HEATR5B: variants seen among roughly 807,000 people sequenced by gnomAD.
The protein encoded by HEATR5B is HEAT repeat containing 5B.
A neutral mutation model predicts 224.1 loss-of-function variants in HEATR5B; 156 were observed. The observed-to-expected ratio is 0.70, with a 90% CI of 0.61 to 0.80. The LOEUF (loss-of-function observed/expected upper bound fraction) is 0.80, where lower values mean the gene tolerates loss of function less well. Among genes scored for constraint, HEATR5B ranks in the 30% least tolerant of loss-of-function variants. The pLI, the probability that HEATR5B is intolerant of heterozygous loss-of-function variation, is 0.00. For missense variants in HEATR5B, 2,323 were observed against 2,535.5 expected (o/e 0.92, Z 1.80); for synonymous variants, 1,027 against 893.0 (o/e 1.15, Z -2.68).
chr2:37,083,902 G>A (rs902342062), intron 1 of HEATR5B, among the ~76,000 whole-genome samples: 3 of 152,160 alleles, frequency 2.0e-5, no homozygotes, highest in Admixed American at 6.5e-5. Context: ...CAGACATCCC[G>A]AACTGCAGGT....
At position 37,040,450 on chromosome 2, in the gene HEATR5B, T is replaced by C. The variant is rs753574292; in HGVS notation, c.2925A>G (p.Glu975=). Reference sequence around the variant, plus strand: ...AGGTAAGAACTAGAGATAATGTTGGTTCCACATAGCCACGATACATCGGAC... The same window carrying C: ...AGGTAAGAACTAGAGATAATGTTGGCTCCACATAGCCACGATACATCGGAC... ...SSGPMYRGYV[E]PTLSLVLTLL... The change falls in exon 20 of 36, where the codon GAA becomes GAG. Residue 975 remains glutamate, a synonymous_variant. Coordinates refer to ENST00000233099, the MANE Select transcript of HEATR5B (RefSeq NM_019024.3). The C allele has an allele frequency of 2.5e-6, 4 of 1,613,856 alleles. No individual in the cohort carries two copies. The East Asian group carries it at 8.9e-5, about 36-fold the overall frequency.
chr2:37,048,460 T>C (rs568300327), intron 18 of HEATR5B, among the ~76,000 whole-genome samples: 14 of 151,856 alleles, frequency 9.2e-5, no homozygotes, highest in Non-Finnish European at 1.6e-4. Flanking sequence ...GCTGGGATTA[T>C]AGGCAAAAGA....
At position 37,070,173 on chromosome 2, in the gene HEATR5B, T is replaced by C. The variant is rs898087121; in HGVS notation, c.927+57A>G. ...CCTTGGCCTCCAAAAATGCTGGGAT[T>C]ACAGGCGTGAGCCACCGTGCCTGGC... On this transcript the variant is annotated intron_variant, in intron 7 of 35. Transcript: ENST00000233099. 7.7e-6 allele frequency: 12 copies of C among 1,555,060 alleles called. No homozygotes were observed. The African/African-American group carries it at 1.4e-4, about 18-fold the overall frequency.
chr2:37,067,562 A>T (rs1401022498), intron 8 of HEATR5B, among the ~76,000 whole-genome samples: 1 of 152,142 alleles, frequency 6.6e-6, no homozygotes, highest in Non-Finnish European at 1.5e-5. Flanking sequence ...TGAGGTCAGG[A>T]GTTTGAGACC....
intron 6 of HEATR5B, among the ~76,000 whole-genome samples, chr2:37,071,068 G>A (rs561133336): frequency 1.3e-5 from 2 of 152,130 alleles, no homozygotes; most frequent in East Asian, 1.9e-4. Context: ...GCTTTTATGA[G>A]GATTAAATTT....
chr2:37,083,380 T>G lies in HEATR5B; in HGVS notation c.35A>C (p.Glu12Ala), dbSNP rs769800793. ...ELAHSLLLNE[E>A]ALAQITEAKR... ...TGCTTCGGTGATTTGAGCCAAAGCT[T>G]CTTCATTTAGCAATAAACTGTGGGC... Residue 12 changes from glutamate (E) to alanine (A), a missense_variant, in exon 2 of 36, where the codon GAA becomes GCA. This residue lies in a region of HEATR5B where 292 missense variants were observed against 332.6 expected (regional missense o/e 0.88). Coordinates refer to ENST00000233099, the MANE Select transcript of HEATR5B (RefSeq NM_019024.3). 31 of 1,613,584 alleles carry G rather than the reference T, an allele frequency of 1.9e-5. No individual in the cohort carries two copies. The highest frequency in any genetic ancestry group is 2.5e-5 in the Non-Finnish European group (29 of 1,179,604).
At position 37,084,306 on chromosome 2, in the gene HEATR5B, G is replaced by C; in HGVS notation, c.-60C>G. 2 of 398,216 alleles carry C rather than the reference G, an allele frequency of 5.0e-6. No homozygotes were observed. The highest frequency in any genetic ancestry group is 8.8e-6 in the Non-Finnish European group (2 of 226,806). 24.7% of individuals were successfully genotyped at this position (398,216 alleles called of 1,614,324 possible). On this transcript the variant is annotated 5_prime_UTR_variant, in exon 1 of 36. Coordinates refer to ENST00000233099, the MANE Select transcript of HEATR5B (RefSeq NM_019024.3). ...AAGGGAAGATCAGCTGAGCTCCGGGGGTAGAAGCAGCCACCAAGAGACCCG... is the reference window on the plus strand; with the variant it reads ...AAGGGAAGATCAGCTGAGCTCCGGGCGTAGAAGCAGCCACCAAGAGACCCG...
intron 18 of HEATR5B, among the ~76,000 whole-genome samples, chr2:37,046,836 G>A (rs1204659213): frequency 6.7e-6 from 1 of 149,858 alleles, no homozygotes; most frequent in African/African-American, 2.5e-5. Flanking sequence ...GATCACCTAA[G>A]GTCAGGAGTT....
chr2:37,037,306 C>T (rs868679013), intron 21 of HEATR5B, among the ~76,000 whole-genome samples: 2 of 151,282 alleles, frequency 1.3e-5, no homozygotes, highest in African/African-American at 2.4e-5. Context: ...CCACCACGCC[C>T]GGCTAATTTT....
intron 10 of HEATR5B, 99 bp downstream of exon 10, chr2:37,064,641 T>G: frequency 8.5e-7 from 1 of 1,171,398 alleles, no homozygotes; most frequent in Non-Finnish European, 1.2e-6. Context: ...ATAGTACAAC[T>G]GTTATTTGAC....
chr2:37,073,283 T>C (rs1179694623), intron 5 of HEATR5B, among the ~76,000 whole-genome samples: 6 of 152,208 alleles, frequency 3.9e-5, no homozygotes, highest in South Asian at 2.1e-4. Flanking sequence ...GAATGCAATA[T>C]TGGTTAAAAT....
intron 28 of HEATR5B, among the ~76,000 whole-genome samples, chr2:37,007,744 C>G (rs986652156): frequency 1.1e-4 from 16 of 152,150 alleles, no homozygotes; most frequent in African/African-American, 3.9e-4. Flanking sequence ...ATAAAGCCAC[C>G]AAAAGTAACC....
intron 18 of HEATR5B, 35 bp from the exon 19 acceptor site, chr2:37,041,327 G>C (rs780112568): frequency 6.2e-7 from 1 of 1,600,438 alleles, no homozygotes; most frequent in Non-Finnish European, 8.5e-7. Flanking sequence ...CACTAACTTT[G>C]CTATTTCCCT....
chr2:37,000,415 T>A (rs1667014298), intron 33 of HEATR5B, among the ~76,000 whole-genome samples, 171 bp downstream of exon 33: 1 of 152,072 alleles, frequency 6.6e-6, no homozygotes, highest in Admixed American at 6.6e-5. Flanking sequence ...GCATTTAGAG[T>A]CAACAATCCA....
chr2:37,008,311 T>A, intron 28 of HEATR5B: 1 of 414,382 alleles, frequency 2.4e-6, no homozygotes, highest in Non-Finnish European at 4.4e-6. Context: ...TACAGCAATA[T>A]ACATCTATGG....
chr2:37,063,508 A>T (rs879072778), intron 10 of HEATR5B, among the ~76,000 whole-genome samples: 6 of 152,168 alleles, frequency 3.9e-5, no homozygotes, highest in Non-Finnish European at 1.5e-5. Context: ...GTAAAATATG[A>T]AAGTGGTATG....
At chr2:37,001,676 T>C (rs2148373537) in intron 32 of HEATR5B, among the ~76,000 whole-genome samples, 1 of 151,758 alleles carries the variant, frequency 6.6e-6, no homozygotes, top group Middle Eastern at 3.4e-3. Context: ...TTTCTTTCTT[T>C]TTTTTTTTTG....
chr2:36,984,557 G>C (rs1174018513), intron 35 of HEATR5B, among the ~76,000 whole-genome samples: 1 of 151,836 alleles, frequency 6.6e-6, no homozygotes, highest in Non-Finnish European at 1.5e-5. Flanking sequence ...TCAAAGAAAA[G>C]ATCTAATGTA....
intron 22 of HEATR5B, among the ~76,000 whole-genome samples, chr2:37,029,852 T>C (rs1281446425): frequency 6.6e-6 from 1 of 151,916 alleles, no homozygotes; most frequent in African/African-American, 2.4e-5. Flanking sequence ...GGCAGGAGAA[T>C]GGCTTGAACC....
Sources: allele counts gnomAD v4.1 joint callset (sites outside exome capture counted in the v4.1 genomes callset), GRCh38; gene constraint gnomAD v4.1.1; regional missense constraint gnomAD v4.1.1; transcripts MANE v1.5; gene names NCBI Gene and HGNC (gene_info 2026-07-23, HGNC 2026-07-21).